DPH6: variants seen among roughly 807,000 people sequenced by gnomAD.
The protein encoded by DPH6 is diphthine--ammonia ligase.
DPH6 carries 33 observed loss-of-function variants against 38.2 expected under a neutral mutation model. The observed-to-expected ratio is 0.86, with a 90% CI of 0.65 to 1.15. The LOEUF is 1.15. DPH6 is among the 50% of genes most tolerant of loss of function. DPH6 has a pLI of 0.00. For missense variants in DPH6, 325 were observed against 320.0 expected (o/e 1.02, Z -0.12); for synonymous variants, 108 against 103.0 (o/e 1.05, Z -0.30).
At chr15:35,447,231 T>A (rs2053866140) in intron 5 of DPH6, among the ~76,000 whole-genome samples, 1 of 152,120 alleles carries the variant, frequency 6.6e-6, no homozygotes, top group Non-Finnish European at 1.5e-5. Context: ...TCTCTCAACA[T>A]CAGTTAGGTG....
At chr15:35,511,181 C>G (rs16961136) in intron 3 of DPH6, among the ~76,000 whole-genome samples, 14,590 of 152,098 alleles carry the variant, frequency 0.096, 941 homozygotes, top group African/African-American at 0.18. Context: ...TTAAGACTTT[C>G]TAATCTAAGA....
chr15:35,439,648 A>G (rs2053761770), intron 5 of DPH6, among the ~76,000 whole-genome samples: 1 of 152,170 alleles, frequency 6.6e-6, no homozygotes, highest in Non-Finnish European at 1.5e-5. Context: ...CAAAGTTCCT[A>G]ACCTGTGGTG....
At chr15:35,296,088 C>T (rs537060306) in intron 3 of DPH6, among the ~76,000 whole-genome samples, 7 of 151,892 alleles carry the variant, frequency 4.6e-5, no homozygotes, top group Admixed American at 6.6e-5. Flanking sequence ...TATAGGCGCC[C>T]GCTACCATGT....
chr15:35,320,088 T>TA (rs1391273733), intron 3 of DPH6, among the ~76,000 whole-genome samples: 2 of 152,318 alleles, frequency 1.3e-5, no homozygotes, highest in South Asian at 2.1e-4. Flanking sequence ...TACTGATTTT[T>TA]AAAAAATCAC....
chr15:35,265,975 G>A (rs2051781710), intron 3 of DPH6, among the ~76,000 whole-genome samples: 1 of 152,074 alleles, frequency 6.6e-6, no homozygotes, highest in African/African-American at 2.4e-5. Flanking sequence ...TTAACTGGTT[G>A]AATCTGAATA....
the DPH6 span, among the ~76,000 whole-genome samples, chr15:35,171,399 G>A: frequency 3.3e-5 from 5 of 152,062 alleles, no homozygotes; most frequent in Non-Finnish European, 7.4e-5. Context: ...ACATTATTAG[G>A]TTTACATATA....
At chr15:35,177,616 A>T in the DPH6 span, among the ~76,000 whole-genome samples, 1 of 147,380 alleles carries the variant, frequency 6.8e-6, no homozygotes, top group Non-Finnish European at 1.5e-5. Flanking sequence ...CATCATCATC[A>T]TCATCATCAT....
chr15:35,476,973 A>C (rs1032603799), intron 3 of DPH6, among the ~76,000 whole-genome samples: 2 of 151,864 alleles, frequency 1.3e-5, no homozygotes, highest in Non-Finnish European at 3.0e-5. Context: ...ACAACATGAG[A>C]CTTTCAAAAA....
intron 3 of DPH6, among the ~76,000 whole-genome samples, chr15:35,247,120 AAGG>A (rs2051642645): frequency 6.6e-6 from 1 of 152,210 alleles, no homozygotes; most frequent in African/African-American, 2.4e-5. Flanking sequence ...ATTCTTTCTC[AAGG>A]TAAATTGAAC....
the DPH6 span, among the ~76,000 whole-genome samples, chr15:35,189,333 C>T: frequency 6.6e-6 from 1 of 152,122 alleles, no homozygotes. Flanking sequence ...AGATTATTTG[C>T]TTTTAAGTTC....
chr15:35,284,167 T>C (rs1289883172), intron 3 of DPH6, among the ~76,000 whole-genome samples: 1 of 152,176 alleles, frequency 6.6e-6, no homozygotes, highest in Non-Finnish European at 1.5e-5. Flanking sequence ...TCCTCACTCA[T>C]CAGCTGCCCC....
chr15:35,515,321 T>C (rs543838345), intron 3 of DPH6, among the ~76,000 whole-genome samples: 2 of 152,088 alleles, frequency 1.3e-5, no homozygotes, highest in Non-Finnish European at 2.9e-5. Context: ...GGGCTGGGTA[T>C]GGCGGGTCAT....
intron 4 of DPH6, among the ~76,000 whole-genome samples, chr15:35,454,541 ATAAGT>A (rs545304106): frequency 5.8e-4 from 88 of 152,240 alleles, no homozygotes; most frequent in Non-Finnish European, 8.5e-4. Flanking sequence ...CTTACACTAA[ATAAGT>A]TAAGTTTCCT....
intron 6 of DPH6, among the ~76,000 whole-genome samples, chr15:35,398,548 C>G (rs1460253428): frequency 6.6e-6 from 1 of 152,190 alleles, no homozygotes; most frequent in African/African-American, 2.4e-5. Context: ...CCTGGAAGCT[C>G]TGTGCCGCCT....
chr15:35,467,736 G>A (rs1025924368), intron 3 of DPH6, among the ~76,000 whole-genome samples: 19 of 151,914 alleles, frequency 1.3e-4, no homozygotes, highest in African/African-American at 4.6e-4. Flanking sequence ...TAACAACAAG[G>A]CCTTCTTGCG....
intron 5 of DPH6, among the ~76,000 whole-genome samples, chr15:35,423,481 T>C (rs1220458436): frequency 6.6e-6 from 1 of 151,710 alleles, no homozygotes; most frequent in Non-Finnish European, 1.5e-5. Flanking sequence ...AATATTGTTT[T>C]TCACTCCCCA....
intron 3 of DPH6, among the ~76,000 whole-genome samples, chr15:35,267,335 C>G (rs779663914): frequency 2.0e-4 from 31 of 152,306 alleles, no homozygotes; most frequent in Non-Finnish European, 4.1e-4. Context: ...TTTGCTTCTT[C>G]TCTTCTACCA....
At chr15:35,511,695 G>A (rs1333851793) in intron 3 of DPH6, among the ~76,000 whole-genome samples, 1 of 151,444 alleles carries the variant, frequency 6.6e-6, no homozygotes, top group Non-Finnish European at 1.5e-5. Context: ...ACTACCAAGA[G>A]ATTATCATTT....
At chr15:35,488,501 G>A (rs574166637) in intron 3 of DPH6, among the ~76,000 whole-genome samples, 4 of 152,182 alleles carry the variant, frequency 2.6e-5, no homozygotes, top group South Asian at 2.1e-4. Flanking sequence ...GCAGGAGAGC[G>A]AGTGAGCAAG....
Sources: gnomAD v4.1 joint callset for allele counts (sites outside exome capture counted in the v4.1 genomes callset) on GRCh38, gnomAD v4.1.1 for gene constraint, MANE v1.5 for transcripts, NCBI Gene and HGNC (gene_info 2026-07-23, HGNC 2026-07-21) for gene names.